BDNF: variants seen among roughly 807,000 people sequenced by gnomAD.
BDNF encodes neurotrophic factor BDNF precursor form.
A neutral mutation model predicts 19.5 loss-of-function variants in BDNF; 1 was observed. That is an observed-to-expected ratio of 0.05 (90% CI 0.02 to 0.24). The LOEUF is 0.24. Ranked by LOEUF, BDNF falls within the 10% of genes least tolerant of loss-of-function variation. The pLI, the probability that BDNF is intolerant of heterozygous loss-of-function variation, is 1.00. For synonymous variants in BDNF, 100 were observed against 121.6 expected, an observed-to-expected ratio of 0.82 and a Z score of 1.17; for missense variants, 195 against 317.6, an observed-to-expected ratio of 0.61 and a Z score of 2.93.
At chr11:27,699,746 C>T in intron 1 of BDNF, 2 of 1,320,218 alleles carry the variant, frequency 1.5e-6, no homozygotes, top group Non-Finnish European at 2.0e-6. Flanking sequence ...GGGGACCACC[C>T]ACCCCCTGGA....
At chr11:27,720,441 A>C in intron 1 of BDNF, 2 of 985,838 alleles carry the variant, frequency 2.0e-6, no homozygotes, top group Non-Finnish European at 2.4e-6. Flanking sequence ...GGAGCTTGCC[A>C]AGAGTCTATT....
intron 1 of BDNF, chr11:27,719,605 G>GC: frequency 1.0e-6 from 1 of 984,830 alleles, no homozygotes; most frequent in Non-Finnish European, 1.2e-6. Context: ...CTAAGCCAGC[G>GC]CCCGAAACTC....
At chr11:27,662,576 G>A (rs1374293342) in intron 1 of BDNF, among the ~76,000 whole-genome samples, 1 of 152,180 alleles carries the variant, frequency 6.6e-6, no homozygotes, top group Non-Finnish European at 1.5e-5. Flanking sequence ...TCTGGGAGTA[G>A]CAGGGTGGAT....
intron 1 of BDNF, among the ~76,000 whole-genome samples, chr11:27,696,927 T>C (rs949334242): frequency 1.3e-5 from 2 of 152,220 alleles, no homozygotes; most frequent in African/African-American, 4.8e-5. Context: ...CTGTCTGTTT[T>C]TATTCAGGAA....
chr11:27,674,884 A>T (rs1855876790), intron 1 of BDNF: 1 of 899,002 alleles, frequency 1.1e-6, no homozygotes, highest in South Asian at 5.1e-5. Flanking sequence ...GATAGCTGGA[A>T]AAATAAGTAA....
chr11:27,670,592 G>A (rs1011587560), intron 1 of BDNF, among the ~76,000 whole-genome samples: 1 of 152,094 alleles, frequency 6.6e-6, no homozygotes, highest in African/African-American at 2.4e-5. Flanking sequence ...TCAAAAAGTG[G>A]GTGAAGGATA....
At position 27,658,452 on chromosome 11, in the gene BDNF, C is replaced by T. The variant is rs763357890; in HGVS notation, c.113G>A (p.Arg38Gln). 20 of 1,614,016 alleles carry T rather than the reference C, an allele frequency of 1.2e-5. No homozygotes were observed. Among genetic ancestry groups the T allele is most frequent in the South Asian group, 3.3e-5 (3 of 91,078 alleles). Residue 38 changes from arginine (R) to glutamine (Q), a missense_variant, in exon 2 of 2, where the codon CGG becomes CAG. By Grantham distance (43) the Arg-to-Gln change is conservative. Coordinates refer to ENST00000356660, the MANE Select transcript of BDNF (RefSeq NM_001709.5). The surrounding 1 kb of genome is among the most constrained non-coding windows in gnomAD (Gnocchi z 5.7). ...GQGGLAYPGV[R>Q]THGTLESVNG... is the part of the protein sequence containing the mutation. Reference sequence around the variant, plus strand: ...CACGCTCTCCAGAGTCCCATGGGTCCGCACACCTGGGTAGGCCAAGCCACC... The same window carrying T: ...CACGCTCTCCAGAGTCCCATGGGTCTGCACACCTGGGTAGGCCAAGCCACC...
chr11:27,720,852 T>C, intron 1 of BDNF: 5 of 836,606 alleles, frequency 6.0e-6, no homozygotes, highest in Non-Finnish European at 7.2e-6. Context: ...ATCCTGTTAA[T>C]AGTTGATCAC....
At chr11:27,694,850 AT>A (rs1858792240) in intron 1 of BDNF, among the ~76,000 whole-genome samples, 1 of 152,174 alleles carries the variant, frequency 6.6e-6, no homozygotes, top group African/African-American at 2.4e-5. Flanking sequence ...AGTATAATGA[AT>A]TGCCTGTAGC....
intron 1 of BDNF, among the ~76,000 whole-genome samples, chr11:27,678,542 A>G (rs139347064): frequency 6.6e-6 from 1 of 152,320 alleles, no homozygotes; most frequent in African/African-American, 2.4e-5. Flanking sequence ...GAAATTAGGG[A>G]GATGTAACTG....
chr11:27,704,082 G>A (rs1590476406), upstream of BDNF, among the ~76,000 whole-genome samples: 1 of 152,242 alleles, frequency 6.6e-6, no homozygotes, highest in Non-Finnish European at 1.5e-5. Context: ...AGAATATAGA[G>A]CATGCATTTC....
At chr11:27,721,540 A>G (rs1019738331) in exon 1 of BDNF, 2 of 1,003,112 alleles carry the variant, frequency 2.0e-6, no homozygotes, top group Non-Finnish European at 3.2e-6. Context: ...TGGATCGCCC[A>G]CCACTTGGTG....
At chr11:27,673,823 G>C (rs1359031775) in intron 1 of BDNF, among the ~76,000 whole-genome samples, 1 of 152,086 alleles carries the variant, frequency 6.6e-6, no homozygotes, top group Non-Finnish European at 1.5e-5. Context: ...AAATGAAAAT[G>C]AGATGAATAA....
At chr11:27,697,147 A>ACG (rs1859128177) in intron 1 of BDNF, among the ~76,000 whole-genome samples, 1 of 83,104 alleles carries the variant, frequency 1.2e-5, no homozygotes, top group Non-Finnish European at 2.1e-5. Context: ...GTGCACGCAC[A>ACG]CACACACACA....
At chr11:27,687,645 C>T (rs1166784062) in intron 1 of BDNF, among the ~76,000 whole-genome samples, 1 of 152,168 alleles carries the variant, frequency 6.6e-6, no homozygotes, top group Non-Finnish European at 1.5e-5. Context: ...TGTTAGTTTT[C>T]CTTCTAACAG....
chr11:27,667,178 G>A (rs960165228), intron 1 of BDNF, among the ~76,000 whole-genome samples: 4 of 152,126 alleles, frequency 2.6e-5, no homozygotes, highest in African/African-American at 9.7e-5. Flanking sequence ...AGCTTCATAA[G>A]TGAAGGAGAA....
At chr11:27,716,456 GACACACACACAC>G (rs61227267) in intron 1 of BDNF, among the ~76,000 whole-genome samples, 54 of 146,930 alleles carry the variant, frequency 3.7e-4, no homozygotes, top group African/African-American at 1.2e-3. Flanking sequence ...CACACACACA[GACACACACACAC>G]ACACACACAC....
intron 1 of BDNF, among the ~76,000 whole-genome samples, chr11:27,673,288 A>G (rs11030107): frequency 0.19 from 28,151 of 151,440 alleles, 3,061 homozygotes; most frequent in Non-Finnish European, 0.25. Flanking sequence ...AACTGCATTC[A>G]TTGTCCCTAA....
chr11:27,657,615 T>C lies in BDNF; in HGVS notation c.*206A>G. The C allele has an allele frequency of 5.8e-6, 8 of 1,384,326 alleles. No individual in the cohort carries two copies. Among genetic ancestry groups the C allele is most frequent in the Non-Finnish European group, 7.5e-6 (8 of 1,073,144 alleles). The allele number at this position is 1,384,326 out of a possible 1,614,324, so 85.8% of individuals were successfully genotyped here. On this transcript the variant is annotated 3_prime_UTR_variant, in exon 2 of 2. Coordinates refer to ENST00000356660, the MANE Select transcript of BDNF (RefSeq NM_001709.5). This position sits in a 1 kb window ranked among gnomAD's most constrained non-coding sequence, Gnocchi z 5.0. ...ATCAAGGAATGTAATGCAGACTTTT[T>C]AAGTTGTGCGCAAATGACTGTTTCC...
Sources: allele counts gnomAD v4.1 joint callset (sites outside exome capture counted in the v4.1 genomes callset), GRCh38; gene constraint gnomAD v4.1.1; non-coding constraint Gnocchi (gnomAD v3.1); transcripts MANE v1.5; gene names NCBI Gene and HGNC (gene_info 2026-07-23, HGNC 2026-07-21).